Variants in FOXP2 observed in about 807,000 individuals in gnomAD.
FOXP2 encodes the protein forkhead box P2.
In FOXP2, 12 loss-of-function variants were observed where a neutral mutation model predicts 115.8. The observed-to-expected ratio is 0.10, with a 90% confidence interval of 0.07 to 0.17. The LOEUF (loss-of-function observed/expected upper bound fraction) is 0.17. Ranked by LOEUF, FOXP2 falls within the 10% of genes least tolerant of loss-of-function variation. FOXP2 has a pLI of 1.00. For synonymous variants in FOXP2, 328 were observed against 297.7 expected, an observed-to-expected ratio of 1.10 and a Z score of -1.05; for missense variants, 629 against 843.5, an observed-to-expected ratio of 0.75 and a Z score of 3.15.
intron 2 of FOXP2, among the ~76,000 whole-genome samples, chr7:114,329,323 G>A (rs1797636252): frequency 6.6e-6 from 1 of 151,974 alleles, no homozygotes; most frequent in Non-Finnish European, 1.5e-5. Flanking sequence ...TTCAAGACCA[G>A]CCTTGTCAAC....
intron 2 of FOXP2, among the ~76,000 whole-genome samples, chr7:114,321,437 G>C (rs866245871): frequency 8.6e-5 from 13 of 151,890 alleles, no homozygotes; most frequent in African/African-American, 2.9e-4. Flanking sequence ...TGACCTCGTG[G>C]TCTGCCTGCC....
At chr7:114,316,211 C>G (rs1204465877) in intron 2 of FOXP2, among the ~76,000 whole-genome samples, 1 of 152,138 alleles carries the variant, frequency 6.6e-6, no homozygotes, top group Non-Finnish European at 1.5e-5. Flanking sequence ...ATTGCTTTTT[C>G]AATCACAAAC....
chr7:114,568,053 A>G (rs1482433018), intron 3 of FOXP2, among the ~76,000 whole-genome samples: 1 of 151,956 alleles, frequency 6.6e-6, no homozygotes, highest in Non-Finnish European at 1.5e-5. Context: ...GATTAATTTG[A>G]CTTTCTCTTT....
chr7:114,290,817 T>A (rs1461057703), intron 2 of FOXP2, among the ~76,000 whole-genome samples: 2 of 152,134 alleles, frequency 1.3e-5, no homozygotes, highest in South Asian at 4.1e-4. Context: ...TCTTTTACGC[T>A]TAATTTGTCA....
chr7:114,593,156 A>G (rs1291222336), intron 3 of FOXP2, among the ~76,000 whole-genome samples: 1 of 151,972 alleles, frequency 6.6e-6, no homozygotes, highest in African/African-American at 2.4e-5. Context: ...TAGATTAAGT[A>G]ACTTCAGACT....
chr7:114,511,676 A>T (rs1440154648), intron 2 of FOXP2, among the ~76,000 whole-genome samples: 1 of 152,204 alleles, frequency 6.6e-6, no homozygotes, highest in Non-Finnish European at 1.5e-5. Flanking sequence ...ATGGTACTTT[A>T]AATTTATAAT....
intron 4 of FOXP2, 94 bp downstream of exon 4, chr7:114,628,771 C>A (rs1394993113): frequency 1.3e-6 from 2 of 1,500,320 alleles, no homozygotes; most frequent in Non-Finnish European, 1.8e-6. Flanking sequence ...AATTCAGTCT[C>A]CATTTGAAAG....
chr7:114,663,616 T>C (rs1807004697), intron 15 of FOXP2, 97 bp downstream of exon 15: 3 of 944,784 alleles, frequency 3.2e-6, no homozygotes, highest in African/African-American at 3.3e-5. Flanking sequence ...TGATTGTTCT[T>C]AATAGTTGGT....
At chr7:114,120,182 G>A (rs907042539) in intron 1 of FOXP2, among the ~76,000 whole-genome samples, 1 of 152,106 alleles carries the variant, frequency 6.6e-6, no homozygotes, top group Non-Finnish European at 1.5e-5. Context: ...ACAGAGTCTG[G>A]TTTTGAGCAA....
chr7:114,451,954 TA>T (rs1291981074), intron 2 of FOXP2, among the ~76,000 whole-genome samples: 4 of 152,004 alleles, frequency 2.6e-5, no homozygotes, highest in Non-Finnish European at 5.9e-5. Flanking sequence ...TAATTGTTAG[TA>T]TTCTGTTCTC....
At chr7:114,494,695 A>G (rs1376894474) in intron 2 of FOXP2, among the ~76,000 whole-genome samples, 1 of 152,186 alleles carries the variant, frequency 6.6e-6, no homozygotes, top group Non-Finnish European at 1.5e-5. Context: ...TATAAAATTA[A>G]TAATATTGCA....
At position 114,659,649 on chromosome 7, in the gene FOXP2, C is replaced by T; in HGVS notation, c.1623C>T (p.Phe541=). The change falls in exon 13 of 17, where the codon TTC becomes TTT. Residue 541 remains phenylalanine, a synonymous_variant. Coordinates refer to ENST00000350908, the MANE Select transcript of FOXP2 (RefSeq NM_014491.4). ...YSWFTRTFAY[F]RRNAATWKNA... ...GGTTTACACGGACATTTGCTTACTT[C>T]AGGCGTAATGCAGCAACTTGGAAGG... 1 of 1,613,620 alleles carries T rather than the reference C, an allele frequency of 6.2e-7. No individual in the cohort carries two copies. The highest frequency in any genetic ancestry group is 8.5e-7 in the Non-Finnish European group (1 of 1,179,660).
chr7:114,330,430 C>T lies in FOXP2; in HGVS notation c.-11+42321C>T, dbSNP rs2140616. Among the ~76,000 whole-genome samples the T allele has an allele frequency of 4.5e-3, 657 of 147,240 alleles. 7 individuals carry two copies. The highest frequency in any genetic ancestry group is 0.016 in the African/African-American group (624 of 39,708). ...GGAGGATCCCTTGAGCTCAGGAGTT[C>T]GAGAACAGCCTGGGCAACATAGGGA... is the stretch of plus-strand genomic sequence containing the variant. On this transcript the variant is annotated intron_variant, in intron 2 of 17. Coordinates refer to the FOXP2 transcript ENST00000634411.
At chr7:114,386,288 G>C (rs145613349) in intron 2 of FOXP2, among the ~76,000 whole-genome samples, 1 of 152,206 alleles carries the variant, frequency 6.6e-6, no homozygotes, top group South Asian at 2.1e-4. Flanking sequence ...CATACAAAGG[G>C]AGGGAACCCA....
chr7:114,390,258 T>G (rs541773308), intron 2 of FOXP2, among the ~76,000 whole-genome samples: 1 of 152,076 alleles, frequency 6.6e-6, no homozygotes, highest in South Asian at 2.1e-4. Context: ...TATAACAAAA[T>G]GTATCAAAGT....
At chr7:114,398,354 A>G (rs898652477) in intron 2 of FOXP2, among the ~76,000 whole-genome samples, 1 of 152,180 alleles carries the variant, frequency 6.6e-6, no homozygotes, top group Admixed American at 6.5e-5. Flanking sequence ...GGAATCACAA[A>G]GAGACATGGG....
chr7:114,381,334 C>T (rs1361240084), intron 2 of FOXP2, among the ~76,000 whole-genome samples: 2 of 152,154 alleles, frequency 1.3e-5, no homozygotes, highest in Admixed American at 1.3e-4. Flanking sequence ...AACTTAAGAG[C>T]ACTTGGGTGG....
intron 1 of FOXP2, among the ~76,000 whole-genome samples, chr7:114,117,378 C>T (rs1249574608): frequency 2.6e-5 from 4 of 151,820 alleles, no homozygotes; most frequent in Admixed American, 1.3e-4. Context: ...TGCACCACCA[C>T]GCCCAGCTAG....
chr7:114,176,590 C>T (rs2129154199), intron 1 of FOXP2, among the ~76,000 whole-genome samples: 1 of 151,878 alleles, frequency 6.6e-6, no homozygotes, highest in East Asian at 1.9e-4. Flanking sequence ...ATTTGCCCTC[C>T]TTGGCCTCCC....
Sources: gnomAD v4.1 joint callset for allele counts (sites outside exome capture counted in the v4.1 genomes callset) on GRCh38, gnomAD v4.1.1 for gene constraint, MANE v1.5 for transcripts, NCBI Gene and HGNC (gene_info 2026-07-23, HGNC 2026-07-21) for gene names.